Variants in MDFIC2 observed in about 807,000 individuals in gnomAD.
MDFIC2 encodes MyoD family inhibitor domain containing 2.
intron 2 of MDFIC2, among the ~76,000 whole-genome samples, chr3:70,288,956 T>C (rs1702197860): frequency 6.6e-6 from 1 of 152,040 alleles, no homozygotes; most frequent in Non-Finnish European, 1.5e-5. Flanking sequence ...TGTGTGTCTC[T>C]GCACGTGAGA....
At chr3:70,208,111 A>G (rs960249130) in intron 2 of MDFIC2, among the ~76,000 whole-genome samples, 1 of 152,086 alleles carries the variant, frequency 6.6e-6, no homozygotes, top group Non-Finnish European at 1.5e-5. Flanking sequence ...TGGTGCAGTT[A>G]GCTTATAACT....
At chr3:70,240,879 G>A (rs905454580) in intron 2 of MDFIC2, among the ~76,000 whole-genome samples, 1 of 152,108 alleles carries the variant, frequency 6.6e-6, no homozygotes, top group African/African-American at 2.4e-5. Flanking sequence ...GACAGAATTA[G>A]GGTACTTGAT....
intron 2 of MDFIC2, among the ~76,000 whole-genome samples, chr3:70,293,791 A>G (rs1379294600): frequency 6.6e-6 from 1 of 152,062 alleles, no homozygotes; most frequent in Admixed American, 6.6e-5. Context: ...ACCTTACTGA[A>G]AGGAAAGAAA....
intron 3 of MDFIC2, chr3:70,204,458 C>T (rs1265291034): frequency 2.6e-5 from 4 of 152,244 alleles, no homozygotes; most frequent in Admixed American, 2.0e-4. Context: ...CTTAGGTTGG[C>T]TTCTTTTCCT....
intron 2 of MDFIC2, chr3:70,271,921 G>T (rs924617858): frequency 6.6e-6 from 1 of 152,126 alleles, no homozygotes; most frequent in African/African-American, 2.4e-5. Flanking sequence ...CTGCCATCAT[G>T]CCCAGCTAAT....
intron 2 of MDFIC2, among the ~76,000 whole-genome samples, chr3:70,288,339 G>C (rs964962069): frequency 8.1e-6 from 1 of 123,890 alleles, no homozygotes; most frequent in Non-Finnish European, 1.7e-5. Context: ...TCAGGAGCAG[G>C]TTGTTCAGTT....
chr3:70,292,032 C>T (rs910488704), intron 2 of MDFIC2: 1 of 152,180 alleles, frequency 6.6e-6, no homozygotes, highest in Non-Finnish European at 1.5e-5. Context: ...TAAATAGTCT[C>T]TTCCTTCAAG....
chr3:70,295,412 C>T (rs1217948903), intron 2 of MDFIC2, among the ~76,000 whole-genome samples: 1 of 151,990 alleles, frequency 6.6e-6, no homozygotes, highest in Non-Finnish European at 1.5e-5. Context: ...GCTTACATAC[C>T]ATAATGAAAG....
At chr3:70,286,655 G>T (rs1407282277) in intron 2 of MDFIC2, among the ~76,000 whole-genome samples, 3 of 151,982 alleles carry the variant, frequency 2.0e-5, no homozygotes, top group African/African-American at 7.3e-5. Context: ...TGGGCAGTGT[G>T]GCCATTTTCA....
chr3:70,237,351 C>T (rs1350206536), intron 2 of MDFIC2, among the ~76,000 whole-genome samples: 2 of 152,154 alleles, frequency 1.3e-5, no homozygotes, highest in East Asian at 1.9e-4. Flanking sequence ...GTTTATTTCC[C>T]ATCCCTCTCA....
At chr3:70,254,401 T>C (rs1701796077) in intron 2 of MDFIC2, among the ~76,000 whole-genome samples, 1 of 152,200 alleles carries the variant, frequency 6.6e-6, no homozygotes, top group South Asian at 2.1e-4. Context: ...TACATTATTA[T>C]AAACAGATGT....
intron 2 of MDFIC2, among the ~76,000 whole-genome samples, chr3:70,255,946 CTT>C (rs1170063320): frequency 2.0e-5 from 3 of 152,136 alleles, no homozygotes; most frequent in Non-Finnish European, 4.4e-5. Context: ...AATTGGTAAA[CTT>C]TTTACAACAC....
At chr3:70,211,239 C>CT (rs991838897) in intron 2 of MDFIC2, among the ~76,000 whole-genome samples, 1 of 147,544 alleles carries the variant, frequency 6.8e-6, no homozygotes. Context: ...TCCCTTTTTC[C>CT]TTTTCCTTCC....
chr3:70,283,900 A>T (rs572949915), intron 2 of MDFIC2: 1 of 152,142 alleles, frequency 6.6e-6, no homozygotes, highest in South Asian at 2.1e-4. Flanking sequence ...ATAATCAAGT[A>T]TTTAATACAT....
chr3:70,277,915 G>A (rs571612353), intron 2 of MDFIC2, among the ~76,000 whole-genome samples: 1 of 152,216 alleles, frequency 6.6e-6, no homozygotes, highest in South Asian at 2.1e-4. Flanking sequence ...GACCCTACTG[G>A]CCAGATTTCA....
At chr3:70,290,893 A>G (rs1049813950) in intron 2 of MDFIC2, among the ~76,000 whole-genome samples, 1 of 152,142 alleles carries the variant, frequency 6.6e-6, no homozygotes, top group Non-Finnish European at 1.5e-5. Flanking sequence ...TTCCCGAGTG[A>G]GGCAATGCCT....
intron 2 of MDFIC2, among the ~76,000 whole-genome samples, chr3:70,285,776 T>A (rs1371008040): frequency 2.0e-5 from 3 of 152,110 alleles, no homozygotes; most frequent in Non-Finnish European, 2.9e-5. Context: ...GGTATCTCAT[T>A]GTGGTTTTGA....
chr3:70,227,538 G>A (rs1701519597), intron 2 of MDFIC2, among the ~76,000 whole-genome samples: 1 of 152,190 alleles, frequency 6.6e-6, no homozygotes. Flanking sequence ...GACAAAGTGA[G>A]TGGGCTGAAT....
At chr3:70,238,185 A>T (rs1701631326) in intron 2 of MDFIC2, among the ~76,000 whole-genome samples, 1 of 151,942 alleles carries the variant, frequency 6.6e-6, no homozygotes, top group East Asian at 1.9e-4. Flanking sequence ...AGACTCGCAT[A>T]GCACCAATCC....
Sources: allele counts gnomAD v4.1 joint callset (sites outside exome capture counted in the v4.1 genomes callset), GRCh38; gene constraint gnomAD v4.1.1; transcripts MANE v1.5; gene names NCBI Gene and HGNC (gene_info 2026-07-23, HGNC 2026-07-21).